Variants in FAM135B observed in about 807,000 individuals in gnomAD.
FAM135B encodes the protein protein FAM135B.
In FAM135B, 43 loss-of-function variants were observed where a neutral mutation model predicts 127.7. The observed-to-expected ratio is 0.34, with a 90% CI of 0.26 to 0.43. The LOEUF (loss-of-function observed/expected upper bound fraction) is 0.43. Among genes scored for constraint, FAM135B ranks in the 20% least tolerant of loss-of-function variants. The pLI, the probability that FAM135B is intolerant of heterozygous loss-of-function variation, is 1.00. For synonymous variants in FAM135B, 670 were observed against 665.1 expected, an observed-to-expected ratio of 1.01 and a Z score of -0.11; for missense variants, 1,558 against 1,725.6, an observed-to-expected ratio of 0.90 and a Z score of 1.72.
rs111292750 is a variant in FAM135B at position 138,324,081 on chromosome 8, C to T, written c.78-13161G>A. Among the ~76,000 whole-genome samples the T allele has an allele frequency of 5.3e-5, 8 of 152,298 alleles. No individual in the cohort carries two copies. The East Asian group carries it at 5.8e-4, about 11-fold the overall frequency. ...CTTGAGGGTAGTAAGTGGTCAAAAG[C>T]GGAAACTGCAAATCCCCGTGTCCCA... On this transcript the variant is annotated intron_variant, in intron 2 of 19. Coordinates refer to ENST00000395297, the MANE Select transcript of FAM135B (RefSeq NM_015912.4).
intron 9 of FAM135B, 22 bp from the exon 10 acceptor site, chr8:138,178,712 T>C (rs199852816): frequency 1.9e-6 from 3 of 1,612,580 alleles, no homozygotes; most frequent in Admixed American, 1.7e-5. Context: ...AAAAAGGTGG[T>C]ATTCAAGGCT....
At chr8:138,406,544 CA>C (rs1178932223) in intron 1 of FAM135B, among the ~76,000 whole-genome samples, 9 of 152,068 alleles carry the variant, frequency 5.9e-5, no homozygotes, top group African/African-American at 2.2e-4. Flanking sequence ...AGCAGCACAT[CA>C]AAAAGCTTAT....
At chr8:138,248,392 G>A (rs2130455903) in intron 6 of FAM135B, among the ~76,000 whole-genome samples, 1 of 152,232 alleles carries the variant, frequency 6.6e-6, no homozygotes, top group South Asian at 2.1e-4. Context: ...TTCCAGACAT[G>A]GCCTCTCTAG....
At chr8:138,252,523 C>T (rs2130504410) in intron 5 of FAM135B, among the ~76,000 whole-genome samples, 1 of 152,174 alleles carries the variant, frequency 6.6e-6, no homozygotes, top group Admixed American at 6.5e-5. Context: ...ATTTAAGCCA[C>T]ATTAGTAAGA....
chr8:138,168,907 G>A (rs1374714785), intron 11 of FAM135B, among the ~76,000 whole-genome samples: 2 of 152,154 alleles, frequency 1.3e-5, no homozygotes, highest in African/African-American at 2.4e-5. Context: ...TAGATTATGT[G>A]TGTCTGTCCA....
intron 19 of FAM135B, among the ~76,000 whole-genome samples, chr8:138,135,643 T>C (rs1184902121): frequency 1.3e-5 from 2 of 152,146 alleles, no homozygotes; most frequent in Non-Finnish European, 2.9e-5. Context: ...TAGTAACTCA[T>C]TAACATTTTC....
At chr8:138,175,388 C>T (rs2130951491) in intron 11 of FAM135B, among the ~76,000 whole-genome samples, 1 of 152,148 alleles carries the variant, frequency 6.6e-6, no homozygotes, top group South Asian at 2.1e-4. Flanking sequence ...TCTACCTAAA[C>T]AATATTCTTG....
At chr8:138,367,864 C>T in intron 2 of FAM135B, 43 bp downstream of exon 2, 1 of 1,216,844 alleles carries the variant, frequency 8.2e-7, no homozygotes. Context: ...ACAAACAACA[C>T]ACACACACAC....
At chr8:138,257,826 C>T (rs985966114) in intron 4 of FAM135B, among the ~76,000 whole-genome samples, 1 of 150,178 alleles carries the variant, frequency 6.7e-6, no homozygotes, top group Non-Finnish European at 1.5e-5. Flanking sequence ...CAAACATTTA[C>T]AATTCAGGCA....
At chr8:138,328,414 C>G (rs978512110) in intron 2 of FAM135B, among the ~76,000 whole-genome samples, 2 of 152,108 alleles carry the variant, frequency 1.3e-5, no homozygotes, top group Non-Finnish European at 2.9e-5. Context: ...TGACCTTGAG[C>G]AGCAGGACAT....
At chr8:138,329,563 T>G (rs1444889759) in intron 2 of FAM135B, among the ~76,000 whole-genome samples, 1 of 152,166 alleles carries the variant, frequency 6.6e-6, no homozygotes, top group East Asian at 1.9e-4. Flanking sequence ...TATTCTGTAA[T>G]TACAATGGGG....
At chr8:138,281,837 G>T (rs530135040) in intron 3 of FAM135B, among the ~76,000 whole-genome samples, 2 of 152,210 alleles carry the variant, frequency 1.3e-5, no homozygotes, top group East Asian at 3.9e-4. Context: ...TAGAGACAGG[G>T]TCTCACTCTG....
chr8:138,427,760 G>C (rs541914128), intron 1 of FAM135B, among the ~76,000 whole-genome samples: 1 of 152,216 alleles, frequency 6.6e-6, no homozygotes, highest in African/African-American at 2.4e-5. Flanking sequence ...GTATATTGCT[G>C]TTGAAATCGA....
chr8:138,339,144 G>T (rs2131045057), intron 2 of FAM135B, among the ~76,000 whole-genome samples: 1 of 151,464 alleles, frequency 6.6e-6, no homozygotes, highest in South Asian at 2.1e-4. Flanking sequence ...AGCATTAGGA[G>T]ATACACCTAA....
rs148602331 is a variant in FAM135B, at chr8:138,428,991, C to T, written c.-19-60989G>A. On this transcript the variant is annotated intron_variant, in intron 1 of 19. Coordinates refer to ENST00000395297, the MANE Select transcript of FAM135B (RefSeq NM_015912.4). ...ATTCAATGGTGAATAAAAAGTCATA[C>T]TCCCTGTTCTTCAGAGCTTATCTTT... Among the ~76,000 whole-genome samples the T allele has an allele frequency of 3.5e-3, 527 of 152,308 alleles. 5 individuals carry two copies. The highest frequency in any genetic ancestry group is 0.012 in the African/African-American group (495 of 41,558).
chr8:138,283,824 A>C (rs1233631118), intron 3 of FAM135B, among the ~76,000 whole-genome samples: 1 of 152,052 alleles, frequency 6.6e-6, no homozygotes, highest in Non-Finnish European at 1.5e-5. Flanking sequence ...CTTTCCAGGG[A>C]GGAAGAGATG....
intron 7 of FAM135B, among the ~76,000 whole-genome samples, chr8:138,226,149 C>CCG (rs1563791982): frequency 8.7e-5 from 8 of 91,502 alleles, no homozygotes; most frequent in Middle Eastern, 5.0e-3. Context: ...TGGGGACCCA[C>CCG]CGTGTGTGTG....
At chr8:138,175,860 T>C (rs1189651027) in intron 11 of FAM135B, among the ~76,000 whole-genome samples, 1 of 152,224 alleles carries the variant, frequency 6.6e-6, no homozygotes, top group Non-Finnish European at 1.5e-5. Context: ...TACTATATTA[T>C]TGCTGTATTT....
intron 11 of FAM135B, among the ~76,000 whole-genome samples, 187 bp from the exon 12 acceptor site, chr8:138,168,236 G>C (rs1820126029): frequency 6.6e-6 from 1 of 152,166 alleles, no homozygotes; most frequent in Non-Finnish European, 1.5e-5. Flanking sequence ...TTTGGAACTG[G>C]CTGAGGTGCT....
Sources: allele counts gnomAD v4.1 joint callset (sites outside exome capture counted in the v4.1 genomes callset), GRCh38; gene constraint gnomAD v4.1.1; transcripts MANE v1.5; gene names NCBI Gene and HGNC (gene_info 2026-07-23, HGNC 2026-07-21).